The following UNC5D variants were observed in gnomAD, a reference collection of about 807,000 sequenced individuals.
UNC5D encodes the protein unc-5 netrin receptor D.
A neutral mutation model predicts 105.4 loss-of-function variants in UNC5D; 39 were observed. The ratio of observed to expected loss-of-function variants is 0.37; its 90% CI spans 0.29 to 0.48. The LOEUF (loss-of-function observed/expected upper bound fraction) is 0.48. Among genes scored for constraint, UNC5D ranks in the 20% least tolerant of loss-of-function variants. UNC5D has a pLI of 0.98. For synonymous variants in UNC5D, 452 were observed against 450.4 expected (o/e 1.00, Z -0.04); for missense variants, 991 against 1,202.4 (o/e 0.82, Z 2.60).
At chr8:35,734,695 C>A (rs1415257937) in intron 11 of UNC5D, among the ~76,000 whole-genome samples, 2 of 152,064 alleles carry the variant, frequency 1.3e-5, no homozygotes, top group Non-Finnish European at 2.9e-5. Flanking sequence ...TAGGTGTGAG[C>A]CACCACGCCC....
At chr8:35,257,028 G>A (rs1804130042) in intron 1 of UNC5D, among the ~76,000 whole-genome samples, 1 of 146,360 alleles carries the variant, frequency 6.8e-6, no homozygotes, top group Non-Finnish European at 1.5e-5. Context: ...CTGGAGTACT[G>A]CGGCAACGTC....
Position 35,792,251 on chromosome 8 carries a change from T to C in UNC5D, c.*1688T>C, listed in dbSNP as rs1298638717. 6.6e-6 allele frequency: 1 copy of C among 152,130 alleles called. No homozygotes were observed. The highest frequency in any genetic ancestry group is 1.5e-5 in the Non-Finnish European group (1 of 68,020). 9.4% of individuals were successfully genotyped at this position (152,130 alleles called of 1,614,324 possible). A position where few individuals can be genotyped will look rare whatever the true frequency, so the allele number is the denominator to read the frequency against. ...ATCTCCATGCCAAGTGAAAAAGGCC[T>C]AAAGATGAGTTGAATTTGTGATACC... On this transcript the variant is annotated 3_prime_UTR_variant, in exon 17 of 17. Coordinates refer to ENST00000404895, the MANE Select transcript of UNC5D (RefSeq NM_080872.4).
Position 35,517,650 on chromosome 8 carries a change from C to G in UNC5D, c.104-31642C>G, listed in dbSNP as rs139482481. On this transcript the variant is annotated intron_variant, in intron 1 of 16. Coordinates refer to ENST00000404895, the MANE Select transcript of UNC5D (RefSeq NM_080872.4). ...AAAGCATAATGCAAAGTATGAATTA[C>G]TCACCCAATGCATTTCTTTGACTTG... Among the ~76,000 whole-genome samples the G allele has an allele frequency of 9.8e-5, 15 of 152,312 alleles. No homozygotes were observed. In the East Asian group the frequency reaches 2.9e-3, roughly 29 times the overall value.
intron 4 of UNC5D, among the ~76,000 whole-genome samples, chr8:35,603,688 C>G (rs1820056223): frequency 1.3e-5 from 2 of 152,232 alleles, no homozygotes; most frequent in African/African-American, 4.8e-5. Context: ...AAGTCTGTTT[C>G]TAGGCCACTA....
chr8:35,535,286 A>G (rs536859213), intron 1 of UNC5D, among the ~76,000 whole-genome samples: 1 of 152,236 alleles, frequency 6.6e-6, no homozygotes, highest in African/African-American at 2.4e-5. Context: ...ACATAATGCA[A>G]TTAAACTTAC....
At chr8:35,557,643 G>A (rs970680869) in intron 2 of UNC5D, among the ~76,000 whole-genome samples, 1 of 152,144 alleles carries the variant, frequency 6.6e-6, no homozygotes, top group South Asian at 2.1e-4. Context: ...AACTTCAAAT[G>A]CGTGTGAGAT....
At chr8:35,692,422 T>C (rs779283031) in intron 7 of UNC5D, among the ~76,000 whole-genome samples, 7 of 152,200 alleles carry the variant, frequency 4.6e-5, no homozygotes, top group Admixed American at 4.6e-4. Flanking sequence ...TTCCCTGTAT[T>C]TCCTAGGGCA....
chr8:35,748,678 C>A lies in UNC5D; in HGVS notation c.1918C>A (p.Gln640Lys). 1 of 1,613,586 alleles carries A rather than the reference C, an allele frequency of 6.2e-7. No homozygotes were observed. Among genetic ancestry groups the A allele is most frequent in the Non-Finnish European group, 8.5e-7 (1 of 1,179,732 alleles). Residue 640 changes from glutamine to lysine, a missense_variant, in exon 12 of 17, where the codon CAG becomes AAG. By Grantham distance (53) the Gln-to-Lys change is moderately conservative (BLOSUM62 1). Transcript: ENST00000404895. ...HWNIHLKKRT[Q>K]QGKWEEVMSV... ...GAATATCCATTTAAAGAAGAGGACA[C>A]AGCAGGGCAAATGGGAGGTGAGACC...
intron 1 of UNC5D, among the ~76,000 whole-genome samples, chr8:35,341,439 G>GT (rs375457184): frequency 0.024 from 3,393 of 138,904 alleles, 48 homozygotes; most frequent in Non-Finnish European, 0.033. Context: ...GAAGGAGCTT[G>GT]TTTTTTTTTT....
chr8:35,697,286 T>C (rs529551111), intron 7 of UNC5D, among the ~76,000 whole-genome samples: 33 of 150,196 alleles, frequency 2.2e-4, no homozygotes, highest in Admixed American at 8.0e-4. Flanking sequence ...TATACACATA[T>C]ATATAATATG....
chr8:35,489,489 G>A (rs1811059269), intron 1 of UNC5D, among the ~76,000 whole-genome samples: 1 of 152,172 alleles, frequency 6.6e-6, no homozygotes, highest in South Asian at 2.1e-4. Flanking sequence ...TCTTACTGAT[G>A]TCCTTATACG....
chr8:35,480,515 A>G (rs1441580769), intron 1 of UNC5D, among the ~76,000 whole-genome samples: 1 of 152,220 alleles, frequency 6.6e-6, no homozygotes, highest in African/African-American at 2.4e-5. Flanking sequence ...GAAAGAGAAG[A>G]TGATATGTTT....
chr8:35,550,817 T>C (rs571354044), intron 2 of UNC5D, among the ~76,000 whole-genome samples: 28 of 152,222 alleles, frequency 1.8e-4, no homozygotes, highest in Non-Finnish European at 3.5e-4. Context: ...AATATGTAAG[T>C]CAGATGGGCA....
chr8:35,489,339 C>A (rs1023003136), intron 1 of UNC5D, among the ~76,000 whole-genome samples: 1 of 152,022 alleles, frequency 6.6e-6, no homozygotes, highest in African/African-American at 2.4e-5. Flanking sequence ...TAACACCCGG[C>A]CACCCCCAAA....
chr8:35,413,144 A>T (rs906275969), intron 1 of UNC5D, among the ~76,000 whole-genome samples: 3 of 152,004 alleles, frequency 2.0e-5, no homozygotes, highest in Non-Finnish European at 2.9e-5. Context: ...GCAACCATGA[A>T]TTTCACTGTC....
rs911316919 is a variant in UNC5D, at chr8:35,549,600, C to T, written c.322+90C>T. On this transcript the variant is annotated intron_variant, in intron 2 of 16. Coordinates refer to ENST00000404895, the MANE Select transcript of UNC5D (RefSeq NM_080872.4). The stretch of plus-strand genomic sequence containing the variant: ...CTGGGAAAGACTGGAAATCACCCCC[C>T]ATTGCCTTGTGTGAATGAGGTCATA... 9 of 1,263,622 alleles carry T rather than the reference C, an allele frequency of 7.1e-6. No individual in the cohort carries two copies. The Admixed American group carries it at 8.7e-5, about 12-fold the overall frequency. 78.3% of individuals were successfully genotyped at this position (1,263,622 alleles called of 1,614,324 possible).
chr8:35,423,305 C>T (rs1337738491), intron 1 of UNC5D, among the ~76,000 whole-genome samples: 1 of 152,124 alleles, frequency 6.6e-6, no homozygotes, highest in Non-Finnish European at 1.5e-5. Flanking sequence ...AGCTCAGGGG[C>T]CAGGTTCTGC....
intron 1 of UNC5D, among the ~76,000 whole-genome samples, chr8:35,512,085 C>G (rs971150514): frequency 1.3e-5 from 2 of 152,058 alleles, no homozygotes; most frequent in African/African-American, 4.8e-5. Flanking sequence ...ATGGTTCTAA[C>G]CAGAATACAC....
intron 1 of UNC5D, among the ~76,000 whole-genome samples, chr8:35,336,160 A>C (rs2128897525): frequency 6.6e-6 from 1 of 152,322 alleles, no homozygotes; most frequent in African/African-American, 2.4e-5. Flanking sequence ...GTATATACGG[A>C]GAGTCAGTGA....
Sources: gnomAD v4.1 joint callset for allele counts (sites outside exome capture counted in the v4.1 genomes callset) on GRCh38, gnomAD v4.1.1 for gene constraint, MANE v1.5 for transcripts, NCBI Gene and HGNC (gene_info 2026-07-23, HGNC 2026-07-21) for gene names.